Variants in ATP10A observed in about 807,000 individuals in gnomAD.
The protein encoded by ATP10A is ATPase phospholipid transporting 10A (putative).
In ATP10A, 111 loss-of-function variants were observed where a neutral mutation model predicts 147.8. The observed-to-expected ratio is 0.75, with a 90% CI of 0.64 to 0.88. The LOEUF is 0.88. Among genes scored for constraint, ATP10A ranks in the 40% least tolerant of loss-of-function variants. The pLI, the probability that ATP10A is intolerant of heterozygous loss-of-function variation, is 0.00. For synonymous variants in ATP10A, 875 were observed against 841.6 expected, an observed-to-expected ratio of 1.04 and a Z score of -0.69; for missense variants, 1,927 against 1,959.0, an observed-to-expected ratio of 0.98 and a Z score of 0.31.
intron 2 of ATP10A, among the ~76,000 whole-genome samples, chr15:25,774,332 T>C (rs1889495414): frequency 1.3e-5 from 2 of 152,332 alleles, no homozygotes; most frequent in East Asian, 3.9e-4. Flanking sequence ...GCCAGCACTT[T>C]GGGAGGCCAA....
chr15:25,791,058 C>T (rs10220763), intron 1 of ATP10A, among the ~76,000 whole-genome samples: 96,078 of 150,590 alleles, frequency 0.64, 31,196 homozygotes, highest in African/African-American at 0.77. Flanking sequence ...CCAGCTGCTT[C>T]GTCTTTTTAA....
At chr15:25,781,365 A>C in intron 1 of ATP10A, 142 bp from the exon 2 acceptor site, 2 of 756,632 alleles carry the variant, frequency 2.6e-6, no homozygotes, top group Non-Finnish European at 4.3e-6. Flanking sequence ...GTGTTTTAAA[A>C]AGAATATTTG....
intron 1 of ATP10A, among the ~76,000 whole-genome samples, chr15:25,801,641 G>A (rs1265746589): frequency 6.6e-6 from 1 of 152,164 alleles, no homozygotes; most frequent in Admixed American, 6.5e-5. Context: ...ATCCGGTGTG[G>A]GACAGCTTCG....
chr15:25,834,454 T>C (rs907566584), intron 1 of ATP10A, among the ~76,000 whole-genome samples: 3 of 152,186 alleles, frequency 2.0e-5, no homozygotes, highest in Non-Finnish European at 4.4e-5. Context: ...CACAATAAGA[T>C]GTGACTTCAC....
intron 7 of ATP10A, among the ~76,000 whole-genome samples, chr15:25,718,768 G>A (rs1288103074): frequency 6.6e-6 from 1 of 152,144 alleles, no homozygotes. Flanking sequence ...ACAGAGGGTG[G>A]CAGGCCTTCC....
At chr15:25,714,861 A>C (rs1281657859) in intron 9 of ATP10A, among the ~76,000 whole-genome samples, 1 of 152,166 alleles carries the variant, frequency 6.6e-6, no homozygotes, top group Non-Finnish European at 1.5e-5. Flanking sequence ...TCCAGTCCCC[A>C]AATAATCCTT....
At chr15:25,798,413 C>T (rs1890783624) in intron 1 of ATP10A, among the ~76,000 whole-genome samples, 1 of 152,150 alleles carries the variant, frequency 6.6e-6, no homozygotes, top group African/African-American at 2.4e-5. Flanking sequence ...CCCATAGCCA[C>T]CAGGAGGGCT....
rs367580656 is a variant in ATP10A, at chr15:25,713,860, C to G, written c.2158G>C (p.Asp720His). The change falls in exon 10 of 21, where the codon GAC becomes CAC. Residue 720 changes from aspartate (D) to histidine (H), a missense_variant. Asp to His is a moderately conservative substitution (Grantham distance 81, BLOSUM62 -1). Coordinates refer to ENST00000555815, the MANE Select transcript of ATP10A (RefSeq NM_024490.4). ...YNCVLVERLH[D>H]QVSVELPHLG... ...TGGGGCAGCTCCACTGACACTTGGT[C>G]GTGCAGCCGCTCCACAAGCACGCAG... 2 of 1,613,876 alleles carry G rather than the reference C, an allele frequency of 1.2e-6. No homozygotes were observed. Among genetic ancestry groups the G allele is most frequent in the Non-Finnish European group, 1.7e-6 (2 of 1,180,042 alleles).
Position 25,694,835 on chromosome 15 carries a change from G to A in ATP10A, c.3072C>T (p.Ala1024=). 2 of 1,611,380 alleles carry A rather than the reference G, an allele frequency of 1.2e-6. No individual in the cohort carries two copies. The highest frequency in any genetic ancestry group is 1.7e-6 in the Non-Finnish European group (2 of 1,178,138). ...GATACTTGCCTATGGCCAGGGTCAT[G>A]GCCTTGAGCTTGCTCCGCACCAGCT... ...VVKLVRSKLK[A]MTLAIGDGAN... is the part of the protein sequence containing the mutation. The change falls in exon 14 of 21, where the codon GCC becomes GCT. Residue 1024 remains alanine, a synonymous_variant. Coordinates refer to ENST00000555815, the MANE Select transcript of ATP10A (RefSeq NM_024490.4).
chr15:25,707,167 C>T (rs991063943), intron 12 of ATP10A, among the ~76,000 whole-genome samples: 1 of 152,130 alleles, frequency 6.6e-6, no homozygotes, highest in Non-Finnish European at 1.5e-5. Flanking sequence ...AAATGCAAAC[C>T]TTAACTATGT....
Position 25,687,718 on chromosome 15 carries a change from G to C in ATP10A, c.3276C>G (p.Phe1092Leu), listed in dbSNP as rs781697061. 6.3e-7 allele frequency: 1 copy of C among 1,596,284 alleles called. No individual in the cohort carries two copies. The highest frequency in any genetic ancestry group is 8.6e-7 in the Non-Finnish European group (1 of 1,168,744). Residue 1092 changes from phenylalanine (F) to leucine (L), a missense_variant, in exon 16 of 21, where the codon TTC becomes TTG. Transcript: ENST00000555815. ...YSRLANMVLY[F>L]FYKNTMFVGL... ...CAATACCTACTGTGTTTTTGTAGAA[G>C]AAGTACAGCACCATGTTGGCAAGTC... is the stretch of plus-strand genomic sequence containing the variant.
At chr15:25,762,006 G>A (rs956542737) in intron 2 of ATP10A, among the ~76,000 whole-genome samples, 1 of 152,118 alleles carries the variant, frequency 6.6e-6, no homozygotes, top group South Asian at 2.1e-4. Flanking sequence ...TGTGGCTCCC[G>A]TAGTCCCCAC....
chr15:25,847,470 CTAAG>C (rs1365931653), intron 1 of ATP10A, among the ~76,000 whole-genome samples: 4 of 152,088 alleles, frequency 2.6e-5, no homozygotes, highest in East Asian at 1.9e-4. Flanking sequence ...AGTTTTATCA[CTAAG>C]TATTTGAACA....
intron 3 of ATP10A, among the ~76,000 whole-genome samples, chr15:25,730,008 A>AGGCTG (rs1902860672): frequency 6.6e-6 from 1 of 151,766 alleles, no homozygotes; most frequent in Non-Finnish European, 1.5e-5. Context: ...GACAGGGAGT[A>AGGCTG]GGCTGGGCGC....
At chr15:25,792,472 C>T (rs1192784477) in intron 1 of ATP10A, among the ~76,000 whole-genome samples, 1 of 152,232 alleles carries the variant, frequency 6.6e-6, no homozygotes, top group Admixed American at 6.5e-5. Flanking sequence ...CAACAAACAC[C>T]CATGCAGGTC....
At chr15:25,673,981 G>A (rs1899089477), downstream of ATP10A, among the ~76,000 whole-genome samples, 2 of 152,214 alleles carry the variant, frequency 1.3e-5, no homozygotes, top group Non-Finnish European at 2.9e-5. Context: ...CAGCTGTGCT[G>A]TGTTTGGGCC....
chr15:25,834,471 T>C (rs1349674144), intron 1 of ATP10A, among the ~76,000 whole-genome samples: 1 of 152,196 alleles, frequency 6.6e-6, no homozygotes, highest in African/African-American at 2.4e-5. Context: ...TCACACCCGA[T>C]AGATGGCTAG....
At position 25,716,322 on chromosome 15, in the gene ATP10A, G is replaced by A. The variant is rs533224603; in HGVS notation, c.1776+408C>T. On this transcript the variant is annotated intron_variant, in intron 9 of 20. Coordinates refer to ENST00000555815, the MANE Select transcript of ATP10A (RefSeq NM_024490.4). ...GTGTGGATCTGGGACCCTGAGGCTCGGGGAGGTTGTCCTGGGTAGCCTCCC... is the reference window on the plus strand; with the variant it reads ...GTGTGGATCTGGGACCCTGAGGCTCAGGGAGGTTGTCCTGGGTAGCCTCCC... Among the ~76,000 whole-genome samples, 294 of 150,384 alleles carry A rather than the reference G, an allele frequency of 2.0e-3. 1 individual carries two copies. The highest frequency in any genetic ancestry group is 3.2e-3 in the Non-Finnish European group (216 of 67,394).
intron 1 of ATP10A, among the ~76,000 whole-genome samples, chr15:25,782,032 A>G (rs1278574203): frequency 2.6e-5 from 4 of 152,220 alleles, no homozygotes; most frequent in Admixed American, 6.5e-5. Context: ...ATCACTCAGA[A>G]TTGCTAGGAG....
Sources: gnomAD v4.1 joint callset for allele counts (sites outside exome capture counted in the v4.1 genomes callset) on GRCh38, gnomAD v4.1.1 for gene constraint, MANE v1.5 for transcripts, NCBI Gene and HGNC (gene_info 2026-07-23, HGNC 2026-07-21) for gene names.